Variants in PRKCE observed in about 807,000 individuals in gnomAD.
The protein encoded by PRKCE is protein kinase C epsilon.
Under a neutral mutation model 85.4 loss-of-function variants are expected in PRKCE, and 16 were observed. The ratio of observed to expected loss-of-function variants is 0.19; its 90% CI spans 0.13 to 0.28. PRKCE has a LOEUF of 0.28. PRKCE is among the 10% of genes least tolerant of loss of function. The pLI is 1.00. For missense variants in PRKCE, 573 were observed against 975.2 expected (o/e 0.59, Z 5.49); for synonymous variants, 388 against 371.5 (o/e 1.04, Z -0.51).
At chr2:46,109,881 C>T (rs1417045753) in intron 11 of PRKCE, among the ~76,000 whole-genome samples, 1 of 152,038 alleles carries the variant, frequency 6.6e-6, no homozygotes, top group African/African-American at 2.4e-5. Context: ...CCCCTCTATT[C>T]CTAATCTGCT....
intron 1 of PRKCE, among the ~76,000 whole-genome samples, chr2:45,822,384 T>A (rs1006051206): frequency 2.0e-5 from 3 of 152,198 alleles, no homozygotes; most frequent in Non-Finnish European, 4.4e-5. Context: ...CCACATTGTG[T>A]ACCCACAAGC....
intron 6 of PRKCE, among the ~76,000 whole-genome samples, chr2:45,995,706 T>A (rs1704158431): frequency 6.6e-6 from 1 of 152,240 alleles, no homozygotes; most frequent in Non-Finnish European, 1.5e-5. Context: ...TCTATTTGTC[T>A]GTTCCATTGA....
intron 11 of PRKCE, among the ~76,000 whole-genome samples, chr2:46,094,076 G>C (rs1281256813): frequency 1.3e-5 from 2 of 152,088 alleles, no homozygotes; most frequent in Admixed American, 6.6e-5. Flanking sequence ...AGCATGTTTA[G>C]GTATAAGCAG....
chr2:46,045,316 T>A (rs1708455448), intron 10 of PRKCE, among the ~76,000 whole-genome samples: 1 of 152,270 alleles, frequency 6.6e-6, no homozygotes, highest in Admixed American at 6.5e-5. Context: ...TCATCAGTAC[T>A]GCATGTTGTG....
At chr2:46,067,725 G>A (rs1038408647) in intron 10 of PRKCE, among the ~76,000 whole-genome samples, 2 of 152,180 alleles carry the variant, frequency 1.3e-5, no homozygotes, top group Non-Finnish European at 2.9e-5. Flanking sequence ...AAAACTTCCC[G>A]TTAGTTTAAA....
At chr2:46,176,573 G>A (rs2104693292) in intron 14 of PRKCE, among the ~76,000 whole-genome samples, 1 of 152,262 alleles carries the variant, frequency 6.6e-6, no homozygotes, top group Non-Finnish European at 1.5e-5. Flanking sequence ...CATTTAGGGG[G>A]CAGTAGTAAT....
At chr2:46,076,316 T>C (rs1406571302) in intron 10 of PRKCE, among the ~76,000 whole-genome samples, 1 of 152,194 alleles carries the variant, frequency 6.6e-6, no homozygotes, top group Non-Finnish European at 1.5e-5. Flanking sequence ...AAAACTTCTT[T>C]TTCCTAAGAT....
In PRKCE at chr2:46,184,842, C is replaced by A; in HGVS notation, c.2175C>A (p.Phe725Leu). The A allele has an allele frequency of 1.3e-6, 2 of 1,599,792 alleles. No homozygotes were observed. The highest frequency in any genetic ancestry group is 1.7e-6 in the Non-Finnish European group (2 of 1,179,958). ...TAAAGCAGATCAACCAGGAGGAATT[C>A]AAAGGTTTCTCCTACTTTGGTGAAG... ...AIVKQINQEE[F>L]KGFSYFGEDL... The change falls in exon 15 of 15, where the codon TTC (phenylalanine) becomes TTA (leucine). Residue 725 changes from phenylalanine (F) to leucine (L), a missense_variant. Around this residue, in one of 11 missense-constraint regions of PRKCE, gnomAD observed 45 missense variants for 39.1 expected, o/e 1.15. Coordinates refer to ENST00000306156, the MANE Select transcript of PRKCE (RefSeq NM_005400.3). This position sits in a 1 kb window ranked among gnomAD's most constrained non-coding sequence, Gnocchi z 5.0.
intron 1 of PRKCE, among the ~76,000 whole-genome samples, chr2:45,803,352 G>C (rs997882478): frequency 6.6e-6 from 1 of 152,222 alleles, no homozygotes; most frequent in Non-Finnish European, 1.5e-5. Context: ...TTTGGAATCT[G>C]TTGAGCATCA....
intron 1 of PRKCE, among the ~76,000 whole-genome samples, chr2:45,780,005 T>G (rs1686057504): frequency 1.3e-5 from 2 of 152,242 alleles, no homozygotes; most frequent in South Asian, 4.1e-4. Flanking sequence ...AACTGGATTA[T>G]TTTAAATAAA....
rs1327401055 is a variant in PRKCE at position 45,895,345 on chromosome 2, T to C, written c.412+52282T>C. ...TTATATGGACTTAAGGGAGTTTCAG[T>C]CGGGGAAGAAAGTGGGACTTTTTCA... On this transcript the variant is annotated intron_variant, in intron 2 of 14. Coordinates refer to ENST00000306156, the MANE Select transcript of PRKCE (RefSeq NM_005400.3). The surrounding 1 kb of genome is among the most constrained non-coding windows in gnomAD (Gnocchi z 4.8). Among the ~76,000 whole-genome samples the C allele has an allele frequency of 1.3e-5, 2 of 152,054 alleles. No individual in the cohort carries two copies. The highest frequency in any genetic ancestry group is 4.8e-5 in the African/African-American group (2 of 41,396).
chr2:45,971,759 A>G (rs997045120), intron 2 of PRKCE, among the ~76,000 whole-genome samples: 2 of 152,250 alleles, frequency 1.3e-5, no homozygotes, highest in African/African-American at 4.8e-5. Flanking sequence ...CGAATGACCA[A>G]TGTTAATGTT....
rs1676270970 is a variant in PRKCE, at chr2:45,673,430, C to T, written c.348+20982C>T. Among the ~76,000 whole-genome samples the T allele has an allele frequency of 2.0e-5, 3 of 152,280 alleles. No individual in the cohort carries two copies. In the South Asian group the frequency reaches 6.2e-4, roughly 32 times the overall value. On this transcript the variant is annotated intron_variant, in intron 1 of 14. Coordinates refer to ENST00000306156, the MANE Select transcript of PRKCE (RefSeq NM_005400.3). ...GTTTTCTGGATGGCAATTGAGCGAG[C>T]AGTGTTTCCAACTGTATTTGATTGT... is the stretch of plus-strand genomic sequence containing the variant.
At chr2:45,974,580 C>T (rs986222308) in intron 2 of PRKCE, among the ~76,000 whole-genome samples, 2 of 152,238 alleles carry the variant, frequency 1.3e-5, no homozygotes, top group Non-Finnish European at 2.9e-5. Flanking sequence ...CTTGGAAGCA[C>T]ACGCTGCGCA....
chr2:45,960,544 G>T (rs1701303690), intron 2 of PRKCE, among the ~76,000 whole-genome samples: 1 of 152,074 alleles, frequency 6.6e-6, no homozygotes, highest in African/African-American at 2.4e-5. Flanking sequence ...TTACAATAGG[G>T]TTCCCGCTCC....
chr2:46,178,023 G>A (rs1409420136), intron 14 of PRKCE, among the ~76,000 whole-genome samples: 1 of 152,170 alleles, frequency 6.6e-6, no homozygotes, highest in Non-Finnish European at 1.5e-5. Context: ...ACTTTGGGAG[G>A]CTGAGGCAGG....
At chr2:45,984,405 T>C in intron 5 of PRKCE, 146 bp from the exon 6 acceptor site, 1 of 1,148,260 alleles carries the variant, frequency 8.7e-7, no homozygotes, top group Non-Finnish European at 1.2e-6. Flanking sequence ...TCTTTTCACC[T>C]CAGGGCAGCT....
intron 1 of PRKCE, among the ~76,000 whole-genome samples, chr2:45,817,421 C>T (rs1031843076): frequency 2.0e-5 from 3 of 152,120 alleles, no homozygotes; most frequent in Middle Eastern, 3.2e-3. Flanking sequence ...CGGCTGGGCG[C>T]GGTGGCTCAC....
chr2:45,758,420 A>C (rs1684183095), intron 1 of PRKCE, among the ~76,000 whole-genome samples: 1 of 152,246 alleles, frequency 6.6e-6, no homozygotes, highest in South Asian at 2.1e-4. Flanking sequence ...TAGGTACAGC[A>C]GTGAGAACCC....
Sources: gnomAD v4.1 joint callset for allele counts (sites outside exome capture counted in the v4.1 genomes callset) on GRCh38, gnomAD v4.1.1 for gene constraint, gnomAD v4.1.1 regional missense constraint, Gnocchi (gnomAD v3.1) non-coding constraint, MANE v1.5 for transcripts, NCBI Gene and HGNC (gene_info 2026-07-23, HGNC 2026-07-21) for gene names.